Variants in PLEC observed in about 807,000 individuals in gnomAD.
PLEC encodes the protein hemidesmosomal protein 1.
In PLEC, 216 loss-of-function variants were observed where a neutral mutation model predicts 392.8. The ratio of observed to expected loss-of-function variants is 0.55; its 90% CI spans 0.49 to 0.62. The LOEUF is 0.62. Among genes scored for constraint, PLEC ranks in the 20% least tolerant of loss-of-function variants. The probability of loss-of-function intolerance (pLI) is 0.00; values close to 1 mark genes in which losing one functional copy is unlikely to be tolerated. For missense variants in PLEC, 6,863 were observed against 6,563.4 expected (o/e 1.05, Z -1.58); for synonymous variants, 3,621 against 2,980.6 (o/e 1.21, Z -7.00).
rs1309995441 is a variant in PLEC, at chr8:143,935,004, C to G, written c.825+7G>C. The G allele has an allele frequency of 1.9e-6, 3 of 1,612,082 alleles. No individual in the cohort carries two copies. Among genetic ancestry groups the G allele is most frequent in the Admixed American group, 3.3e-5 (2 of 60,000 alleles). ...CAAGCCCCCTGCCCTCCGGGCCCCC[C>G]ACTCACGTTGGCCCTCACCCCATCC... On this transcript the variant is annotated splice_region_variant and intron_variant, in intron 8 of 31. Transcript: ENST00000345136.
rs554856001 is a variant in PLEC at position 143,946,599 on chromosome 8, A to G, written c.523+3585T>C. On this transcript the variant is annotated intron_variant, in intron 1 of 31. Coordinates refer to the PLEC transcript ENST00000322810. ...GCCCAGCAGACCTGCCTGGGGGTGC[A>G]GGGGACTGGCCTGCCTGCAATCCCA... The G allele has an allele frequency of 3.6e-3, 1,197 of 335,764 alleles. 24 individuals are homozygous for G. The highest frequency in any genetic ancestry group is 0.025 in the African/African-American group (1,146 of 45,318). The allele number at this position is 335,764 out of a possible 1,614,324, so 20.8% of individuals were successfully genotyped here.
rs782596727 is a variant in PLEC, at chr8:143,932,124, C to A, written c.2082+6G>T. 3.1e-6 allele frequency: 5 copies of A among 1,608,920 alleles called. No homozygotes were observed. The African/African-American group carries it at 4.0e-5, about 13-fold the overall frequency. On this transcript the variant is annotated splice_donor_region_variant and intron_variant, in intron 17 of 31. Coordinates refer to ENST00000345136, the MANE Select transcript of PLEC (RefSeq NM_201384.3). ...CGCAGCCCCGCCCCTACCCAGGGAG[C>A]CCCACCTCCACCGTGGGCCGGGCCG...
rs782591966 is a variant in PLEC at position 143,920,719 on chromosome 8, C to T, written c.9102G>A (p.Ala3034=). The change falls in exon 32 of 32, where the codon GCG becomes GCA. Residue 3034 remains alanine, a synonymous_variant. Transcript: ENST00000345136. The part of the protein sequence containing the change: ...NVIAGVWLEE[A]GQKLSIYNAL... Reference sequence around the variant, plus strand: ...CATTGTAGATACTCAGCTTCTGCCCCGCCTCCTCCAGCCATACACCCGCGA... The same window carrying T: ...CATTGTAGATACTCAGCTTCTGCCCTGCCTCCTCCAGCCATACACCCGCGA... 1.7e-5 allele frequency: 27 copies of T among 1,603,170 alleles called. No individual in the cohort carries two copies. In the African/African-American group the frequency reaches 2.0e-4, roughly 12 times the overall value.
In PLEC at chr8:143,917,487, G is replaced by A. The variant is rs781940210; in HGVS notation, c.12334C>T (p.Pro4112Ser). 2.5e-6 allele frequency: 4 copies of A among 1,613,754 alleles called. No homozygotes were observed. The Admixed American group carries it at 5.0e-5, about 20-fold the overall frequency. Residue 4112 changes from proline (P) to serine (S), a missense_variant, in exon 32 of 32, where the codon CCC becomes TCC. Pro to Ser is a moderately conservative substitution (Grantham distance 74, BLOSUM62 -1). Coordinates refer to ENST00000345136, the MANE Select transcript of PLEC (RefSeq NM_201384.3). ...LQLMERCITD[P>S]QTGLCLLPLK... ...GGCAAGAGACACAGGCCCGTCTGGG[G>A]GTCAGTGATACAACGCTCCATCAGC...
At position 143,931,649 on chromosome 8, in the gene PLEC, T is replaced by C; in HGVS notation, c.2189A>G (p.Asp730Gly). 6.2e-7 allele frequency: 1 copy of C among 1,600,608 alleles called. No individual in the cohort carries two copies. Among genetic ancestry groups the C allele is most frequent in the South Asian group, 1.1e-5 (1 of 88,760 alleles). Residue 730 changes from aspartate to glycine, a missense_variant, in exon 19 of 32, where the codon GAT becomes GGT. Coordinates refer to ENST00000345136, the MANE Select transcript of PLEC (RefSeq NM_201384.3). The stretch of plus-strand genomic sequence containing the variant: ...CAACTGCCCCTCGGCCTCCCGCACA[T>C]CTGAGAAGAACTGGGGCAGCGGGAG... ...ENAAYFQFFS[D>G]VREAEGQLQK...
chr8:143,927,896 C>T lies in PLEC; in HGVS notation c.3357G>A (p.Pro1119=), dbSNP rs782451360. 5.0e-6 allele frequency: 8 copies of T among 1,594,182 alleles called. No individual in the cohort carries two copies. The highest frequency in any genetic ancestry group is 1.8e-5 in the Admixed American group (1 of 56,582). Residue 1119 remains proline, a synonymous_variant, in exon 26 of 32, where the codon CCG becomes CCA. Transcript: ENST00000345136. ...EEQLKEAQAV[P]ATLPELEATK... Reference sequence around the variant, plus strand: ...TGGCCTCGAGCTCCGGGAGGGTGGCCGGCACGGCCTGGGCCTCCTTGAGCT... The same window carrying T: ...TGGCCTCGAGCTCCGGGAGGGTGGCTGGCACGGCCTGGGCCTCCTTGAGCT...
At chr8:143,936,060 G>A in intron 5 of PLEC, 46 bp from the exon 6 acceptor site, 5 of 1,601,972 alleles carry the variant, frequency 3.1e-6, no homozygotes, top group Non-Finnish European at 4.2e-6. Context: ...CAGCCACCAG[G>A]CCTGCTCTGT....
At position 143,936,042 on chromosome 8, in the gene PLEC, C is replaced by A. The variant is rs1554723093; in HGVS notation, c.436-28G>T. On this transcript the variant is annotated intron_variant, in intron 5 of 31. Transcript: ENST00000345136. ...GCTCACAGCAGAGAGGAGGCCACAGCTCAGCCACAGCCACCAGGCCTGCTC... is the reference window on the plus strand; with the variant it reads ...GCTCACAGCAGAGAGGAGGCCACAGATCAGCCACAGCCACCAGGCCTGCTC... 5.0e-6 allele frequency: 8 copies of A among 1,608,440 alleles called. No homozygotes were observed. In the South Asian group the frequency reaches 8.8e-5, roughly 18 times the overall value.
At position 143,933,073 on chromosome 8, in the gene PLEC, G is replaced by C. The variant is rs1554718834; in HGVS notation, c.1457C>G (p.Thr486Ser). ...TGCCTTCAGCCGTAGGTTGTACTCG[G>C]TGCGGATGGCTACCAGGCGCTCGTG... is the stretch of plus-strand genomic sequence containing the variant. ...RLHERLVAIR[T>S]EYNLRLKAGV... The change falls in exon 14 of 32, where the codon ACC (threonine) becomes AGC (serine). Residue 486 changes from threonine (T) to serine (S), a missense_variant. Transcript: ENST00000345136. 1.9e-6 allele frequency: 3 copies of C among 1,590,272 alleles called. No individual in the cohort carries two copies. Among genetic ancestry groups the C allele is most frequent in the African/African-American group, 2.7e-5 (2 of 74,520 alleles).
Position 143,969,013 on chromosome 8 carries a change from C to A in PLEC, c.70+4390G>T, listed in dbSNP as rs1554743252. On this transcript the variant is annotated intron_variant, in intron 1 of 31. Coordinates refer to the PLEC transcript ENST00000356346. This position sits in a 1 kb window ranked among gnomAD's most constrained non-coding sequence, Gnocchi z 5.1. ...GAGCAATTCCACTCCTAGGTATCTACCCAGCAGAAATAAAAAACATACGAC... is the reference window on the plus strand; with the variant it reads ...GAGCAATTCCACTCCTAGGTATCTAACCAGCAGAAATAAAAAACATACGAC... Among the ~76,000 whole-genome samples the A allele has an allele frequency of 6.6e-6, 1 of 152,164 alleles. No homozygotes were observed. The highest frequency in any genetic ancestry group is 1.5e-5 in the Non-Finnish European group (1 of 68,028).
chr8:143,938,712 C>CT lies in PLEC; in HGVS notation c.113-21dup. ...GCTCATCTGGGGGAGACAAGACCAG[C>CT]TTACCTGGGGCCTGGGAGAAGCCCC... On this transcript the variant is annotated intron_variant, in intron 1 of 31. Transcript: ENST00000345136. 1 of 1,612,888 alleles carries CT rather than the reference C, an allele frequency of 6.2e-7. No homozygotes were observed. The highest frequency in any genetic ancestry group is 8.5e-7 in the Non-Finnish European group (1 of 1,179,252).
intron 19 of PLEC, among the ~76,000 whole-genome samples, chr8:143,931,128 T>C (rs1156574092): frequency 6.6e-6 from 1 of 152,122 alleles, no homozygotes; most frequent in Non-Finnish European, 1.5e-5. Flanking sequence ...GCTCCTTCTA[T>C]AGCACAAGGG....
rs782237405 is a variant in PLEC, at chr8:143,923,944, C to T, written c.5985G>A (p.Ala1995=). 22 of 1,593,994 alleles carry T rather than the reference C, an allele frequency of 1.4e-5. No homozygotes were observed. In the East Asian group the frequency reaches 2.5e-4, roughly 18 times the overall value. Residue 1995 remains alanine (A), a synonymous_variant, in exon 31 of 32, where the codon GCG becomes GCA. Transcript: ENST00000345136. ...EAEERVQKSL[A]AEEEAARQRK... is the part of the protein sequence containing the mutation. ...GCTGCCGTGCGGCCTCCTCCTCGGC[C>T]GCCAGGCTCTTCTGCACGCGCTCCT...
At position 143,917,994 on chromosome 8, in the gene PLEC, T is replaced by G; in HGVS notation, c.11827A>C (p.Thr3943Pro). 6.2e-7 allele frequency: 1 copy of G among 1,612,372 alleles called. No homozygotes were observed. The highest frequency in any genetic ancestry group is 8.5e-7 in the Non-Finnish European group (1 of 1,179,908). The stretch of plus-strand genomic sequence containing the variant: ...TGGTACACCGAGAGCCGTTCCTTGG[T>G]GGCGTCCACGAAGACACCAGCGATG... ...SCIAGVFVDA[T>P]KERLSVYQAM... The change falls in exon 32 of 32, where the codon ACC becomes CCC. Residue 3943 changes from threonine (T) to proline (P), a missense_variant. Thr to Pro is a conservative substitution (Grantham distance 38). Transcript: ENST00000345136.
Position 143,927,506 on chromosome 8 carries a change from G to A in PLEC, c.3660C>T (p.Gly1220=), listed in dbSNP as rs782205457. 2.0e-5 allele frequency: 32 copies of A among 1,596,970 alleles called. No individual in the cohort carries two copies. Among genetic ancestry groups the A allele is most frequent in the African/African-American group, 1.2e-4 (9 of 74,870 alleles). The change falls in exon 27 of 32, where the codon GGC becomes GGT. Residue 1220 remains glycine (G), a synonymous_variant. Coordinates refer to ENST00000345136, the MANE Select transcript of PLEC (RefSeq NM_201384.3). ...RYYRESADPL[G]AWLQDARRRQ... Reference sequence around the variant, plus strand: ...GCCGCCTGGCGTCCTGCAGCCAGGCGCCCAAGGGGTCTGCACTCTCGCGGT... The same window carrying A: ...GCCGCCTGGCGTCCTGCAGCCAGGCACCCAAGGGGTCTGCACTCTCGCGGT...
chr8:143,945,128 T>G, intron 1 of PLEC: 1 of 412,056 alleles, frequency 2.4e-6, no homozygotes, highest in Non-Finnish European at 4.8e-6. Context: ...AGGCCGCCCA[T>G]TCTCCCAGAG....
intron 6 of PLEC, 123 bp from the exon 7 acceptor site, chr8:143,935,436 T>C: frequency 1.4e-6 from 1 of 734,648 alleles, no homozygotes; most frequent in Non-Finnish European, 2.4e-6. Flanking sequence ...ACACTCACCC[T>C]GAAAAATACA....
intron 30 of PLEC, among the ~76,000 whole-genome samples, chr8:143,926,502 C>A (rs936311407): frequency 6.6e-6 from 1 of 152,210 alleles, no homozygotes; most frequent in African/African-American, 2.4e-5. Context: ...AAGGAAGAGC[C>A]CACAGGACGG....
At chr8:143,946,809 G>C (rs1831544205) in intron 1 of PLEC, among the ~76,000 whole-genome samples, 1 of 142,240 alleles carries the variant, frequency 7.0e-6, no homozygotes, top group South Asian at 2.3e-4. Flanking sequence ...TATTTCAGGA[G>C]CCAGGCGGGA....
Sources: allele counts gnomAD v4.1 joint callset (sites outside exome capture counted in the v4.1 genomes callset), GRCh38; gene constraint gnomAD v4.1.1; non-coding constraint Gnocchi (gnomAD v3.1); transcripts MANE v1.5; gene names NCBI Gene and HGNC (gene_info 2026-07-23, HGNC 2026-07-21).